HDAC4: variants seen among roughly 807,000 people sequenced by gnomAD.
HDAC4 encodes the protein histone deacetylase A.
HDAC4 carries 16 observed loss-of-function variants against 135.1 expected under a neutral mutation model. The ratio of observed to expected loss-of-function variants is 0.12; its 90% confidence interval spans 0.08 to 0.18. The LOEUF (loss-of-function observed/expected upper bound fraction) is 0.18. Ranked by LOEUF, HDAC4 falls within the 10% of genes least tolerant of loss-of-function variation. The probability of loss-of-function intolerance (pLI) is 1.00; values close to 1 mark genes in which losing one functional copy is unlikely to be tolerated. For synonymous variants in HDAC4, 685 were observed against 653.4 expected (o/e 1.05, Z -0.74); for missense variants, 1,143 against 1,511.8 (o/e 0.76, Z 4.05).
At chr2:239,258,810 T>A (rs2049188712) in intron 2 of HDAC4, among the ~76,000 whole-genome samples, 1 of 152,126 alleles carries the variant, frequency 6.6e-6, no homozygotes, top group African/African-American at 2.4e-5. Flanking sequence ...ACACAAACAT[T>A]CTAGGCAATC....
intron 11 of HDAC4, 89 bp from the exon 12 acceptor site, chr2:239,126,783 T>A: frequency 1.4e-6 from 2 of 1,394,110 alleles, no homozygotes; most frequent in South Asian, 1.2e-5. Context: ...TGGAGACAAC[T>A]GCGCCCTGTG....
rs764365687 is a variant in HDAC4, at chr2:239,190,083, G to C, written c.95-6C>G. ...CAGCGCCGTGGCCACATCCACTGTG[G>C]GAAAAACAAGCAGGAGAGCCGGTCA... On this transcript the variant is annotated splice_polypyrimidine_tract_variant and splice_region_variant and intron_variant, in intron 3 of 26. Coordinates refer to ENST00000543185, the MANE Select transcript of HDAC4 (RefSeq NM_001378414.1). The C allele has an allele frequency of 6.3e-7, 1 of 1,594,932 alleles. No individual in the cohort carries two copies. Among genetic ancestry groups the C allele is most frequent in the Non-Finnish European group, 8.5e-7 (1 of 1,177,072 alleles).
Position 239,398,008 on chromosome 2 carries a change from C to A in HDAC4, c.-220+2970G>T, listed in dbSNP as rs1017491876. On this transcript the variant is annotated intron_variant, in intron 1 of 26. Transcript: ENST00000543185. ...GGGGCTGCCAACAACAGGGCAGGGG[C>A]TCAGTCTCGGTTCCACAGCCCCAAG... Among the ~76,000 whole-genome samples, 8 of 152,360 alleles carry A rather than the reference C, an allele frequency of 5.3e-5. No individual in the cohort carries two copies. In the East Asian group the frequency reaches 7.7e-4, roughly 15 times the overall value.
At chr2:239,290,509 G>A (rs1386897822) in intron 2 of HDAC4, among the ~76,000 whole-genome samples, 1 of 152,196 alleles carries the variant, frequency 6.6e-6, no homozygotes, top group Non-Finnish European at 1.5e-5. Flanking sequence ...GAGTTTTGGA[G>A]AGAAAGGGGA....
chr2:239,082,041 C>T, intron 21 of HDAC4, 61 bp downstream of exon 21: 1 of 1,588,464 alleles, frequency 6.3e-7, no homozygotes, highest in Non-Finnish European at 8.6e-7. Flanking sequence ...TGCCCCGTGC[C>T]CCCACAGCGG....
intron 3 of HDAC4, among the ~76,000 whole-genome samples, chr2:239,221,311 C>G (rs2046940328): frequency 1.3e-5 from 2 of 152,042 alleles, no homozygotes; most frequent in African/African-American, 4.8e-5. Flanking sequence ...CCACCTGACA[C>G]CACATCAGGG....
chr2:239,371,027 C>A (rs1694569772), intron 1 of HDAC4, among the ~76,000 whole-genome samples: 1 of 152,200 alleles, frequency 6.6e-6, no homozygotes, highest in Admixed American at 6.5e-5. Flanking sequence ...CAGCCTGTCG[C>A]CCCCAGAGTC....
At chr2:239,267,452 G>A (rs571250977) in intron 2 of HDAC4, among the ~76,000 whole-genome samples, 8 of 152,316 alleles carry the variant, frequency 5.3e-5, no homozygotes, top group African/African-American at 1.7e-4. Context: ...CAGATACAAC[G>A]GTGGACAGCA....
intron 2 of HDAC4, among the ~76,000 whole-genome samples, chr2:239,246,978 G>A (rs578055900): frequency 6.6e-6 from 1 of 152,366 alleles, no homozygotes; most frequent in South Asian, 2.1e-4. Context: ...GAGCCAGTGG[G>A]AGGAGTCACA....
Position 239,386,866 on chromosome 2 carries a change from C to T in HDAC4, c.-220+14112G>A, listed in dbSNP as rs1356084558. Among the ~76,000 whole-genome samples the T allele has an allele frequency of 2.6e-5, 4 of 152,188 alleles. No individual in the cohort carries two copies. In the East Asian group the frequency reaches 5.8e-4, roughly 22 times the overall value. ...GAGAACTGTGCATGAGAGAGGATTT[C>T]GCCACCCTCACCACCATCAGATGTA... On this transcript the variant is annotated intron_variant, in intron 1 of 26. Coordinates refer to ENST00000543185, the MANE Select transcript of HDAC4 (RefSeq NM_001378414.1).
At chr2:239,365,526 G>A (rs1694132636) in intron 1 of HDAC4, among the ~76,000 whole-genome samples, 1 of 152,246 alleles carries the variant, frequency 6.6e-6, no homozygotes, top group South Asian at 2.1e-4. Flanking sequence ...TAAAGAGGAA[G>A]GGCCATGGGA....
chr2:239,055,926 C>T (rs2031767391), intron 24 of HDAC4, among the ~76,000 whole-genome samples: 1 of 152,192 alleles, frequency 6.6e-6, no homozygotes, highest in South Asian at 2.1e-4. Context: ...ACTGTCAGGA[C>T]AGGACGGGTG....
chr2:239,270,659 T>C (rs2125229857), intron 2 of HDAC4, among the ~76,000 whole-genome samples: 1 of 152,358 alleles, frequency 6.6e-6, no homozygotes, highest in South Asian at 2.1e-4. Context: ...GCATTCAGCA[T>C]TTGTATAATT....
intron 24 of HDAC4, among the ~76,000 whole-genome samples, chr2:239,058,042 A>AT (rs372557800): frequency 7.5e-4 from 114 of 152,364 alleles, no homozygotes; most frequent in African/African-American, 2.7e-3. Flanking sequence ...CCCTGGTTAA[A>AT]TTTCAGTGTC....
At position 239,068,511 on chromosome 2, in the gene HDAC4, C is replaced by T. The variant is rs747024762; in HGVS notation, c.2847G>A (p.Gly949=). ...DAVEGHPTPL[G]GYNLSARCFG... is the part of the protein sequence containing the mutation. ...TACATCTGGCGGAGAGGTTGTAGCCCCCAAGAGGGGTGGGGTGGCCCTCCA... is the reference window on the plus strand; with the variant it reads ...TACATCTGGCGGAGAGGTTGTAGCCTCCAAGAGGGGTGGGGTGGCCCTCCA... The change falls in exon 23 of 27, where the codon GGG becomes GGA. Residue 949 remains glycine (G), a synonymous_variant. Coordinates refer to ENST00000543185, the MANE Select transcript of HDAC4 (RefSeq NM_001378414.1). This position sits in a 1 kb window ranked among gnomAD's most constrained non-coding sequence, Gnocchi z 4.4. 18 of 1,613,696 alleles carry T rather than the reference C, an allele frequency of 1.1e-5. No individual in the cohort carries two copies. The Admixed American group carries it at 1.2e-4, about 10-fold the overall frequency.
intron 18 of HDAC4, among the ~76,000 whole-genome samples, chr2:239,088,930 G>T (rs2036240933): frequency 6.6e-6 from 1 of 152,132 alleles, no homozygotes; most frequent in Non-Finnish European, 1.5e-5. Context: ...GAAGATCCAT[G>T]TAACTCCGTG....
intron 19 of HDAC4, among the ~76,000 whole-genome samples, chr2:239,085,041 G>GACAGACAGACACAC (rs1553609590): frequency 1.0e-4 from 14 of 138,784 alleles, no homozygotes; most frequent in African/African-American, 3.6e-4. Context: ...GAGACAGACA[G>GACAGACAGACACAC]ACACACACAC....
rs559577815 is a variant in HDAC4, at chr2:239,110,028, C to T, written c.1978+1498G>A. 9.2e-5 allele frequency among the ~76,000 whole-genome samples: 14 copies of T among 152,322 alleles called. No homozygotes were observed. The South Asian group carries it at 2.1e-3, about 23-fold the overall frequency. ...ACGTGGCTAAAGGAACGCACTGCGT[C>T]GCTGTGCACGGACACGGGAAGATGG... is the stretch of plus-strand genomic sequence containing the variant. On this transcript the variant is annotated intron_variant, in intron 14 of 26. Coordinates refer to ENST00000543185, the MANE Select transcript of HDAC4 (RefSeq NM_001378414.1).
chr2:239,233,471 AC>A (rs1297471040), intron 3 of HDAC4, among the ~76,000 whole-genome samples: 10 of 151,226 alleles, frequency 6.6e-5, no homozygotes, highest in Middle Eastern at 3.2e-3. Context: ...AAAAAAAAAA[AC>A]AAACCCAAAA....
Sources: allele counts gnomAD v4.1 joint callset (sites outside exome capture counted in the v4.1 genomes callset), GRCh38; gene constraint gnomAD v4.1.1; non-coding constraint Gnocchi (gnomAD v3.1); transcripts MANE v1.5; gene names NCBI Gene and HGNC (gene_info 2026-07-23, HGNC 2026-07-21).